Variants in KCTD8 observed in about 807,000 individuals in gnomAD.
KCTD8 encodes the protein potassium channel tetramerization domain containing 8, also known as BTB/POZ domain-containing protein KCTD8.
In KCTD8, 27 loss-of-function variants were observed where a neutral mutation model predicts 31.5. The ratio of observed to expected loss-of-function variants is 0.86; its 90% CI spans 0.63 to 1.18. The LOEUF (loss-of-function observed/expected upper bound fraction) is 1.18, where lower values mean the gene tolerates loss of function less well. Ranked by LOEUF, KCTD8 falls within the 50% of genes most tolerant of loss-of-function variation. KCTD8 has a pLI of 0.00. For synonymous variants in KCTD8, 290 were observed against 280.0 expected (o/e 1.04, Z -0.36); for missense variants, 658 against 647.7 (o/e 1.02, Z -0.17).
chr4:44,254,189 A>G (rs1715927402), intron 1 of KCTD8, among the ~76,000 whole-genome samples: 2 of 152,048 alleles, frequency 1.3e-5, no homozygotes, highest in African/African-American at 2.4e-5. Context: ...ATTAGTTAAA[A>G]AAAGTGAACT....
At chr4:44,358,994 C>G (rs1719428912) in intron 1 of KCTD8, among the ~76,000 whole-genome samples, 1 of 151,960 alleles carries the variant, frequency 6.6e-6, no homozygotes, top group African/African-American at 2.4e-5. Flanking sequence ...CTGTTCATAT[C>G]CTTCACCCAT....
At chr4:44,367,514 T>G (rs1453306268) in intron 1 of KCTD8, among the ~76,000 whole-genome samples, 1 of 152,186 alleles carries the variant, frequency 6.6e-6, no homozygotes, top group Non-Finnish European at 1.5e-5. Context: ...TCATGGACCT[T>G]ATAAAGAAGT....
intron 1 of KCTD8, among the ~76,000 whole-genome samples, chr4:44,207,300 A>C (rs548704433): frequency 1.3e-5 from 2 of 152,320 alleles, no homozygotes; most frequent in East Asian, 1.9e-4. Flanking sequence ...CATATATTTG[A>C]TCAATATCAT....
chr4:44,241,705 A>G (rs1457446470), intron 1 of KCTD8, among the ~76,000 whole-genome samples: 1 of 152,232 alleles, frequency 6.6e-6, no homozygotes, highest in Non-Finnish European at 1.5e-5. Context: ...GTAGATTGGA[A>G]TCACAGGTCC....
chr4:44,359,736 C>A (rs928008112), intron 1 of KCTD8, among the ~76,000 whole-genome samples: 1 of 152,042 alleles, frequency 6.6e-6, no homozygotes, highest in African/African-American at 2.4e-5. Flanking sequence ...TTAGATAAAA[C>A]TTCTAGTACC....
chr4:44,384,237 A>G (rs1720150204), intron 1 of KCTD8, among the ~76,000 whole-genome samples: 1 of 151,924 alleles, frequency 6.6e-6, no homozygotes, highest in African/African-American at 2.4e-5. Flanking sequence ...TAGTACAGTC[A>G]TATAGAAAAC....
chr4:44,291,748 A>G (rs2109385763), intron 1 of KCTD8, among the ~76,000 whole-genome samples: 1 of 152,210 alleles, frequency 6.6e-6, no homozygotes, highest in South Asian at 2.1e-4. Context: ...CAATATCCAG[A>G]ATCTATAAGG....
At chr4:44,363,432 C>T (rs1470880847) in intron 1 of KCTD8, among the ~76,000 whole-genome samples, 5 of 152,152 alleles carry the variant, frequency 3.3e-5, no homozygotes, top group Non-Finnish European at 7.4e-5. Context: ...ACTCTGCTTC[C>T]AGCATCAAAC....
intron 1 of KCTD8, among the ~76,000 whole-genome samples, chr4:44,183,086 T>C (rs1394901449): frequency 6.6e-6 from 1 of 152,216 alleles, no homozygotes; most frequent in African/African-American, 2.4e-5. Context: ...ACACTGATTC[T>C]GGGTCTGCAC....
intron 1 of KCTD8, among the ~76,000 whole-genome samples, chr4:44,439,749 C>A (rs1721769005): frequency 6.6e-6 from 1 of 151,888 alleles, no homozygotes; most frequent in South Asian, 2.1e-4. Flanking sequence ...TGTCAGGAGG[C>A]AATATTCTCT....
chr4:44,362,708 G>A (rs1035696857), intron 1 of KCTD8, among the ~76,000 whole-genome samples: 1 of 150,986 alleles, frequency 6.6e-6, no homozygotes, highest in African/African-American at 2.4e-5. Context: ...GCTTCTTTAT[G>A]AATTATAAAG....
rs541789003 is a variant in KCTD8 at position 44,374,991 on chromosome 4, T to TA, written c.961+72571dup. 3.9e-3 allele frequency among the ~76,000 whole-genome samples: 599 copies of TA among 152,292 alleles called. 3 individuals carry two copies. The highest frequency in any genetic ancestry group is 6.8e-3 in the Middle Eastern group (2 of 294). Reference sequence around the variant, plus strand: ...GTTGTCACAAAACTTCAATTTATTTTAAAAAATTATCTGCAAAGTGAAATA... The same window carrying TA: ...GTTGTCACAAAACTTCAATTTATTTTAAAAAAATTATCTGCAAAGTGAAATA... On this transcript the variant is annotated intron_variant, in intron 1 of 1. Transcript: ENST00000360029.
chr4:44,333,238 T>C (rs947274855), intron 1 of KCTD8, among the ~76,000 whole-genome samples: 3 of 152,034 alleles, frequency 2.0e-5, no homozygotes, highest in Non-Finnish European at 2.9e-5. Context: ...GACAATCCAA[T>C]ACAGGGACCA....
intron 1 of KCTD8, among the ~76,000 whole-genome samples, chr4:44,426,237 C>T (rs915874095): frequency 2.0e-5 from 3 of 151,352 alleles, no homozygotes; most frequent in Non-Finnish European, 3.0e-5. Context: ...TCTAAAAAGG[C>T]CACAGAGGAA....
At chr4:44,190,506 G>A (rs998001530) in intron 1 of KCTD8, among the ~76,000 whole-genome samples, 5 of 152,070 alleles carry the variant, frequency 3.3e-5, no homozygotes, top group Non-Finnish European at 7.4e-5. Context: ...GACCCTAATC[G>A]CCAGGCTAAA....
chr4:44,293,031 A>G (rs887483765), intron 1 of KCTD8, among the ~76,000 whole-genome samples: 1 of 152,158 alleles, frequency 6.6e-6, no homozygotes, highest in Non-Finnish European at 1.5e-5. Context: ...GGGCTTGTAG[A>G]TAATTTTTTC....
intron 1 of KCTD8, among the ~76,000 whole-genome samples, chr4:44,394,902 C>G (rs143145778): frequency 1.3e-5 from 2 of 152,076 alleles, no homozygotes; most frequent in Admixed American, 6.6e-5. Flanking sequence ...TCCAGTGACT[C>G]GACAATAGAG....
intron 1 of KCTD8, among the ~76,000 whole-genome samples, chr4:44,375,737 A>G (rs1719900342): frequency 6.6e-6 from 1 of 152,170 alleles, no homozygotes; most frequent in African/African-American, 2.4e-5. Flanking sequence ...CCTACTGGGA[A>G]GGCAGAACAG....
At chr4:44,315,987 C>T (rs1163051048) in intron 1 of KCTD8, among the ~76,000 whole-genome samples, 1 of 152,018 alleles carries the variant, frequency 6.6e-6, no homozygotes, top group Non-Finnish European at 1.5e-5. Flanking sequence ...GGTTTTCTAC[C>T]CATGTATACA....
Sources: allele counts gnomAD v4.1 joint callset (sites outside exome capture counted in the v4.1 genomes callset), GRCh38; gene constraint gnomAD v4.1.1; transcripts MANE v1.5; gene names NCBI Gene and HGNC (gene_info 2026-07-23, HGNC 2026-07-21).